Variants in PKD2 observed in about 807,000 individuals in gnomAD.
PKD2 encodes polycystin-2.
A neutral mutation model predicts 105.9 loss-of-function variants in PKD2; 48 were observed. That is an observed-to-expected ratio of 0.45 (90% confidence interval 0.36 to 0.58). The LOEUF (loss-of-function observed/expected upper bound fraction) is 0.58. Among genes scored for constraint, PKD2 ranks in the 20% least tolerant of loss-of-function variants. PKD2 has a pLI of 0.00. For missense variants in PKD2, 1,078 were observed against 1,255.3 expected (o/e 0.86, Z 2.13); for synonymous variants, 464 against 481.1 (o/e 0.96, Z 0.46).
chr4:88,036,386 A>G (rs773753402), intron 3 of PKD2, 33 bp downstream of exon 3: 3 of 1,610,152 alleles, frequency 1.9e-6, no homozygotes, highest in African/African-American at 1.3e-5. Context: ...GTACCTCTCT[A>G]TCACAGAAAA....
chr4:88,052,298 T>A, intron 7 of PKD2, 140 bp downstream of exon 7: 1 of 657,550 alleles, frequency 1.5e-6, no homozygotes, highest in African/African-American at 1.8e-5. Flanking sequence ...AGACAGGGTC[T>A]CACTCTGTCA....
chr4:88,040,331 G>A (rs1727513582), intron 4 of PKD2, among the ~76,000 whole-genome samples: 1 of 152,092 alleles, frequency 6.6e-6, no homozygotes, highest in Non-Finnish European at 1.5e-5. Context: ...CTGAGGGCAG[G>A]GATTCTATTT....
Position 88,031,218 on chromosome 4 carries a change from A to T in PKD2, c.710-5002A>T, listed in dbSNP as rs573526526. On this transcript the variant is annotated intron_variant, in intron 2 of 14. Coordinates refer to ENST00000237596, the MANE Select transcript of PKD2 (RefSeq NM_000297.4). Reference sequence around the variant, plus strand: ...CTAGCCTAATGTAAGTATTCTAAACATGTTTAAGGTAGGCCAGGCTAAGCT... The same window carrying T: ...CTAGCCTAATGTAAGTATTCTAAACTTGTTTAAGGTAGGCCAGGCTAAGCT... Among the ~76,000 whole-genome samples the T allele has an allele frequency of 7.7e-4, 118 of 152,324 alleles. 2 individuals carry two copies. In the South Asian group the frequency reaches 0.022, roughly 29 times the overall value.
rs533244915 is a variant in PKD2, at chr4:88,075,869, AT to A, written c.*184del. 7.7e-5 allele frequency: 50 copies of A among 649,474 alleles called. No individual in the cohort carries two copies. Among genetic ancestry groups the A allele is most frequent in the South Asian group, 5.4e-4 (30 of 55,270 alleles). The allele number at this position is 649,474 out of a possible 1,614,324, so 40.2% of individuals were successfully genotyped here. On this transcript the variant is annotated 3_prime_UTR_variant, in exon 15 of 15. Coordinates refer to ENST00000237596, the MANE Select transcript of PKD2 (RefSeq NM_000297.4). ...TATAAACTTTACCCATGGTTCAAAG[AT>A]TTTTTTTTCTTTTTCTCATATAAGA...
chr4:88,020,948 G>A (rs973256635), intron 2 of PKD2, among the ~76,000 whole-genome samples: 1 of 152,116 alleles, frequency 6.6e-6, no homozygotes, highest in Non-Finnish European at 1.5e-5. Flanking sequence ...TGCCTTGGAA[G>A]TTCTGGGATT....
chr4:88,070,601 T>TAGAGAGAGAGAGAGAGAG (rs1223785807), intron 13 of PKD2, among the ~76,000 whole-genome samples: 1 of 91,482 alleles, frequency 1.1e-5, no homozygotes, highest in African/African-American at 4.2e-5. Context: ...TATATATATA[T>TAGAGAGAGAGAGAGAGAG]AGAGAGAGAG....
Position 88,048,735 on chromosome 4 carries a change from C to T in PKD2, c.1548+1865C>T, listed in dbSNP as rs10516802. On this transcript the variant is annotated intron_variant, in intron 6 of 14. Transcript: ENST00000237596. ...AGTGCATCCCGTCTTTTACGATGGC[C>T]ATACAACATCACACAAATCAAGGTA... Among the ~76,000 whole-genome samples the T allele has an allele frequency of 7.3e-3, 1,117 of 152,280 alleles. 6 individuals are homozygous for T. The highest frequency in any genetic ancestry group is 0.025 in the African/African-American group (1,057 of 41,562).
chr4:88,042,246 A>C (rs1170087435), intron 4 of PKD2, among the ~76,000 whole-genome samples: 3 of 152,224 alleles, frequency 2.0e-5, no homozygotes, highest in Non-Finnish European at 4.4e-5. Flanking sequence ...ATCATGGTGG[A>C]AGGCGAGGAG....
At chr4:88,057,682 C>T (rs1720413729) in intron 8 of PKD2, among the ~76,000 whole-genome samples, 1 of 152,128 alleles carries the variant, frequency 6.6e-6, no homozygotes, top group South Asian at 2.1e-4. Context: ...GATCCGCCCG[C>T]CTCGGCCTCC....
chr4:88,067,976 GAGGAGGATGACGA>G lies in PKD2; in HGVS notation c.2438_2450del (p.Glu813ValfsTer27). The G allele has an allele frequency of 1.2e-6, 2 of 1,614,018 alleles. No individual in the cohort carries two copies. The highest frequency in any genetic ancestry group is 1.7e-6 in the Non-Finnish European group (2 of 1,179,882). On this transcript the variant is annotated frameshift_variant, in exon 13 of 15. Transcript: ENST00000237596. LOFTEE classifies it high-confidence loss of function. ...TTTCCCTCGAAGCCTGGATGACTCT[GAGGAGGATGACGA>G]TGAAGATAGCGGACATAGCTCCAGA... is the stretch of plus-strand genomic sequence containing the variant.
chr4:88,065,498 G>A lies in PKD2; in HGVS notation c.2240+3G>A, dbSNP rs1256857293. On this transcript the variant is annotated splice_donor_region_variant and intron_variant, in intron 11 of 14. Transcript: ENST00000237596. The stretch of plus-strand genomic sequence containing the variant: ...GAACTTCGACAAGATCTCAAAGGGT[G>A]AGAATCATGCTTCCTGAGGTTCTGA... The A allele has an allele frequency of 6.2e-7, 1 of 1,613,634 alleles. No homozygotes were observed. The highest frequency in any genetic ancestry group is 1.1e-5 in the South Asian group (1 of 91,064).
intron 2 of PKD2, among the ~76,000 whole-genome samples, chr4:88,029,156 GTGGCATT>G (rs1727059489): frequency 6.6e-6 from 1 of 152,164 alleles, no homozygotes; most frequent in Non-Finnish European, 1.5e-5. Flanking sequence ...ATTTGGTCCA[GTGGCATT>G]TGGCATTCTA....
Position 88,075,627 on chromosome 4 carries a change from C to A in PKD2, c.2840C>A (p.Ser947Tyr). Reference sequence around the variant, plus strand: ...CCTCGCCCCAGAAGCTCCCGCCCATCTTCCTCCCAATCTACAGAAGGCATG... The same window carrying A: ...CCTCGCCCCAGAAGCTCCCGCCCATATTCCTCCCAATCTACAGAAGGCATG... ...GQPRPRSSRP[S>Y]SSQSTEGMEG... Residue 947 changes from serine to tyrosine, a missense_variant, in exon 15 of 15, where the codon TCT becomes TAT. Ser to Tyr is a moderately radical substitution (Grantham distance 144, BLOSUM62 -2). Coordinates refer to ENST00000237596, the MANE Select transcript of PKD2 (RefSeq NM_000297.4). The A allele has an allele frequency of 6.2e-7, 1 of 1,614,182 alleles. No individual in the cohort carries two copies. The highest frequency in any genetic ancestry group is 8.5e-7 in the Non-Finnish European group (1 of 1,180,016).
intron 2 of PKD2, among the ~76,000 whole-genome samples, chr4:88,020,449 C>T (rs749640750): frequency 6.6e-6 from 1 of 151,970 alleles, no homozygotes; most frequent in African/African-American, 2.4e-5. Flanking sequence ...TCTTTCAGTT[C>T]GTCTTCCCAT....
chr4:88,040,404 T>A (rs1433843505), intron 4 of PKD2, among the ~76,000 whole-genome samples: 1 of 152,214 alleles, frequency 6.6e-6, no homozygotes, highest in Non-Finnish European at 1.5e-5. Context: ...CTAATAAATA[T>A]GTGCTGGATG....
intron 1 of PKD2, among the ~76,000 whole-genome samples, chr4:88,016,200 ACCCG>A (rs1393870353): frequency 6.6e-6 from 1 of 152,102 alleles, no homozygotes; most frequent in Non-Finnish European, 1.5e-5. Context: ...ATGGACCAGT[ACCCG>A]TCTGCAGCCT....
intron 2 of PKD2, among the ~76,000 whole-genome samples, chr4:88,029,909 A>C (rs1002591248): frequency 6.6e-5 from 10 of 152,196 alleles, no homozygotes; most frequent in Admixed American, 5.2e-4. Context: ...CAGATCATCA[A>C]ATGAAGATGG....
At chr4:88,059,745 GTACATACATACATACA>G (rs35787437) in intron 9 of PKD2, among the ~76,000 whole-genome samples, 1 of 150,108 alleles carries the variant, frequency 6.7e-6, no homozygotes, top group Non-Finnish European at 1.5e-5. Flanking sequence ...ACATACATAC[GTACATACATACATACA>G]TACATACATA....
chr4:88,044,026 T>C (rs1441671788), intron 5 of PKD2, among the ~76,000 whole-genome samples: 1 of 152,132 alleles, frequency 6.6e-6, no homozygotes, highest in Non-Finnish European at 1.5e-5. Flanking sequence ...TGACAAAGAT[T>C]CCACTGGCTT....
Sources: gnomAD v4.1 joint callset for allele counts (sites outside exome capture counted in the v4.1 genomes callset) on GRCh38, gnomAD v4.1.1 for gene constraint, MANE v1.5 for transcripts, NCBI Gene and HGNC (gene_info 2026-07-23, HGNC 2026-07-21) for gene names.